The following CNNM4 variants were observed in gnomAD, a reference collection of about 807,000 sequenced individuals.
CNNM4 encodes the protein metal transporter CNNM4.
Under a neutral mutation model 53.7 loss-of-function variants are expected in CNNM4, and 32 were observed. That is an observed-to-expected ratio of 0.60 (90% CI 0.45 to 0.80). CNNM4 has a LOEUF of 0.80. Among genes scored for constraint, CNNM4 ranks in the 30% least tolerant of loss-of-function variants. The pLI, the probability that CNNM4 is intolerant of heterozygous loss-of-function variation, is 0.00. For missense variants in CNNM4, 784 were observed against 1,022.0 expected (o/e 0.77, Z 3.17); for synonymous variants, 410 against 440.0 (o/e 0.93, Z 0.85).
At chr2:96,787,438 G>A (rs2079025055) in intron 1 of CNNM4, among the ~76,000 whole-genome samples, 1 of 152,120 alleles carries the variant, frequency 6.6e-6, no homozygotes, top group African/African-American at 2.4e-5. Flanking sequence ...GGATTTATAA[G>A]TCTGGTATAA....
chr2:96,798,888 C>G (rs1161948925), intron 3 of CNNM4, among the ~76,000 whole-genome samples, 169 bp from the exon 4 acceptor site: 1 of 152,148 alleles, frequency 6.6e-6, no homozygotes, highest in Non-Finnish European at 1.5e-5. Flanking sequence ...CAGTCAGAAG[C>G]CAAGCGTGCT....
intron 1 of CNNM4, among the ~76,000 whole-genome samples, chr2:96,796,802 C>G (rs565728568): frequency 6.6e-6 from 1 of 152,136 alleles, no homozygotes; most frequent in Non-Finnish European, 1.5e-5. Flanking sequence ...TGGTCCTTAA[C>G]GACATGCTTT....
chr2:96,806,506 A>AACACACACACACACAC lies in CNNM4; in HGVS notation c.1949-2040_1949-2025dup, dbSNP rs151020163. 3.6e-3 allele frequency among the ~76,000 whole-genome samples: 485 copies of AACACACACACACACAC among 135,384 alleles called. 6 individuals carry two copies. The highest frequency in any genetic ancestry group is 0.013 in the African/African-American group (453 of 35,510). The allele number at this position is 135,384 out of a possible 152,430, so 88.8% of individuals were successfully genotyped here. A position where few individuals can be genotyped will look rare whatever the true frequency, so the allele number is the denominator to read the frequency against. On this transcript the variant is annotated intron_variant, in intron 5 of 6. Transcript: ENST00000377075. ...ACTCTTCTTCCTTCCCTAGCTATCC[A>AACACACACACACACAC]ACACACACACACACACACACACACA...
chr2:96,765,859 A>G (rs1446242038), intron 1 of CNNM4, among the ~76,000 whole-genome samples: 1 of 147,680 alleles, frequency 6.8e-6, no homozygotes, highest in African/African-American at 2.5e-5. Flanking sequence ...CAATGGCACC[A>G]TCTCGGCTCA....
intron 1 of CNNM4, among the ~76,000 whole-genome samples, chr2:96,769,564 A>G (rs1388168302): frequency 7.5e-6 from 1 of 132,722 alleles, no homozygotes; most frequent in Non-Finnish European, 1.5e-5. Flanking sequence ...ACTCTGTCTC[A>G]AAAAAAAAAA....
intron 1 of CNNM4, among the ~76,000 whole-genome samples, chr2:96,783,486 A>C (rs777051523): frequency 1.3e-5 from 2 of 152,132 alleles, no homozygotes; most frequent in Admixed American, 1.3e-4. Flanking sequence ...TCTCCACTTC[A>C]TGTTCTTTTT....
At position 96,761,463 on chromosome 2, in the gene CNNM4, A is replaced by G. The variant is rs2078761593; in HGVS notation, c.464A>G (p.Gln155Arg). 2.5e-6 allele frequency: 4 copies of G among 1,614,120 alleles called. No individual in the cohort carries two copies. In the African/African-American group the frequency reaches 4.0e-5, roughly 16 times the overall value. Residue 155 changes from glutamine to arginine, a missense_variant, in exon 1 of 7, where the codon CAG (glutamine) becomes CGG (arginine). Gln to Arg is a conservative substitution (Grantham distance 43, BLOSUM62 1). Around this residue, in one of 3 missense-constraint regions of CNNM4, gnomAD observed 473 missense variants for 624.6 expected, o/e 0.76. Transcript: ENST00000377075. This position sits in a 1 kb window ranked among gnomAD's most constrained non-coding sequence, Gnocchi z 6.0. ...CTGTATGCACTGTGCACCCGGGCCC[A>G]GCCCGACGGGCCCTGGCTGAAGTGG... ...MKLYALCTRA[Q>R]PDGPWLKWTD...
intron 1 of CNNM4, among the ~76,000 whole-genome samples, chr2:96,794,421 C>G (rs1263146324): frequency 6.6e-6 from 1 of 152,178 alleles, no homozygotes; most frequent in Admixed American, 6.5e-5. Flanking sequence ...CAGGGCAGTT[C>G]AAGCCCACAC....
chr2:96,798,044 G>A (rs2079120556), intron 3 of CNNM4, among the ~76,000 whole-genome samples: 1 of 152,032 alleles, frequency 6.6e-6, no homozygotes, highest in Non-Finnish European at 1.5e-5. Flanking sequence ...CAAAAGCCAG[G>A]CATGGTGGTG....
intron 5 of CNNM4, among the ~76,000 whole-genome samples, chr2:96,804,390 C>G (rs893428088): frequency 6.6e-6 from 1 of 150,490 alleles, no homozygotes; most frequent in Non-Finnish European, 1.5e-5. Context: ...CCAGGAACCC[C>G]CAGCTAAGTT....
intron 1 of CNNM4, among the ~76,000 whole-genome samples, chr2:96,795,876 G>A (rs1372009041): frequency 6.6e-6 from 1 of 152,126 alleles, no homozygotes; most frequent in African/African-American, 2.4e-5. Flanking sequence ...CACTCATGGG[G>A]CTGGGGCCAT....
At chr2:96,792,145 C>T (rs2079067411) in intron 1 of CNNM4, among the ~76,000 whole-genome samples, 1 of 149,780 alleles carries the variant, frequency 6.7e-6, no homozygotes, top group East Asian at 2.0e-4. Flanking sequence ...ATCAGGCAGA[C>T]TGAGGTGGGA....
chr2:96,768,892 G>C (rs888221800), intron 1 of CNNM4, among the ~76,000 whole-genome samples: 1 of 152,200 alleles, frequency 6.6e-6, no homozygotes, highest in Admixed American at 6.5e-5. Context: ...ATCTAGGCAG[G>C]CATGCAGGGG....
At position 96,765,024 on chromosome 2, in the gene CNNM4, G is replaced by GTTTTTTTTTTTT. The variant is rs1158502593; in HGVS notation, c.1402+2654_1402+2665dup. 3.1e-4 allele frequency among the ~76,000 whole-genome samples: 13 copies of GTTTTTTTTTTTT among 41,558 alleles called. 2 individuals are homozygous for GTTTTTTTTTTTT. Among genetic ancestry groups the GTTTTTTTTTTTT allele is most frequent in the African/African-American group, 6.1e-4 (7 of 11,402 alleles). 27.3% of individuals were successfully genotyped at this position (41,558 alleles called of 152,430 possible). On this transcript the variant is annotated intron_variant, in intron 1 of 6. Coordinates refer to ENST00000377075, the MANE Select transcript of CNNM4 (RefSeq NM_020184.4). ...GTTTAGGAGTCTGGTGTTGGGAATGGTTTTTTTTTTTTTTTTTTTTTTTTT... is the reference window on the plus strand; with the variant it reads ...GTTTAGGAGTCTGGTGTTGGGAATGGTTTTTTTTTTTTTTTTTTTTTTTTTTTTTTTTTTTTT...
In CNNM4 at chr2:96,808,485, G is replaced by A; in HGVS notation, c.1949-76G>A. The stretch of plus-strand genomic sequence containing the variant: ...GGGTGGGGTGTCCCTGGGCTTCCAT[G>A]GGATGAGGTGAGACATGAGGGTGAG... On this transcript the variant is annotated intron_variant, in intron 5 of 6. Coordinates refer to ENST00000377075, the MANE Select transcript of CNNM4 (RefSeq NM_020184.4). This position sits in a 1 kb window ranked among gnomAD's most constrained non-coding sequence, Gnocchi z 4.9. 6.6e-7 allele frequency: 1 copy of A among 1,510,314 alleles called. No individual in the cohort carries two copies. Among genetic ancestry groups the A allele is most frequent in the Non-Finnish European group, 9.2e-7 (1 of 1,091,048 alleles). The allele number at this position is 1,510,314 out of a possible 1,614,324, so 93.6% of individuals were successfully genotyped here. A position where few individuals can be genotyped will look rare whatever the true frequency, so the allele number is the denominator to read the frequency against.
chr2:96,787,354 A>G (rs2079024707), intron 1 of CNNM4, among the ~76,000 whole-genome samples: 2 of 152,214 alleles, frequency 1.3e-5, no homozygotes, highest in South Asian at 2.1e-4. Context: ...TTCATTTTGA[A>G]AATTTGTATT....
chr2:96,793,971 A>G (rs1363948027), intron 1 of CNNM4, among the ~76,000 whole-genome samples: 1 of 152,148 alleles, frequency 6.6e-6, no homozygotes, highest in Non-Finnish European at 1.5e-5. Flanking sequence ...GTCTGTCTCA[A>G]AAAAAATAAA....
At position 96,809,395 on chromosome 2, in the gene CNNM4, T is replaced by G. The variant is rs1574089831; in HGVS notation, c.2206T>G (p.Cys736Gly). 2 of 1,613,054 alleles carry G rather than the reference T, an allele frequency of 1.2e-6. No individual in the cohort carries two copies. Among genetic ancestry groups the G allele is most frequent in the African/African-American group, 2.7e-5 (2 of 74,100 alleles). Residue 736 changes from cysteine (C) to glycine (G), a missense_variant, in exon 7 of 7, where the codon TGC becomes GGC. Transcript: ENST00000377075. ...CAGCCCTCAGTTTCCCATAGACGGGTGCACCACCCACATGGAGAACTTGGC... is the reference window on the plus strand; with the variant it reads ...CAGCCCTCAGTTTCCCATAGACGGGGGCACCACCCACATGGAGAACTTGGC... ...ENSPQFPIDG[C>G]TTHMENLAEK...
Position 96,808,556 on chromosome 2 carries a change from T to G in CNNM4, c.1949-5T>G. ...TTGGCATGACAACCTCTGCTCTCCC[T>G]GCAGACCGTTCCCCAGCACACCCCA... On this transcript the variant is annotated splice_polypyrimidine_tract_variant and splice_region_variant and intron_variant, in intron 5 of 6. Coordinates refer to ENST00000377075, the MANE Select transcript of CNNM4 (RefSeq NM_020184.4). The surrounding 1 kb of genome is among the most constrained non-coding windows in gnomAD (Gnocchi z 4.9). 1 of 1,613,962 alleles carries G rather than the reference T, an allele frequency of 6.2e-7. No individual in the cohort carries two copies. Among genetic ancestry groups the G allele is most frequent in the Non-Finnish European group, 8.5e-7 (1 of 1,179,950 alleles).
Sources: gnomAD v4.1 joint callset for allele counts (sites outside exome capture counted in the v4.1 genomes callset) on GRCh38, gnomAD v4.1.1 for gene constraint, gnomAD v4.1.1 regional missense constraint, Gnocchi (gnomAD v3.1) non-coding constraint, MANE v1.5 for transcripts, NCBI Gene and HGNC (gene_info 2026-07-23, HGNC 2026-07-21) for gene names.